The following KCNN2 variants were observed in gnomAD, a reference collection of about 807,000 sequenced individuals.
KCNN2 encodes potassium calcium-activated channel subfamily N member 2, also known as small conductance calcium-activated potassium channel protein 2.
In KCNN2, 24 loss-of-function variants were observed where a neutral mutation model predicts 55.5. The ratio of observed to expected loss-of-function variants is 0.43; its 90% CI spans 0.31 to 0.61. The LOEUF is 0.61. Ranked by LOEUF, KCNN2 falls within the 20% of genes least tolerant of loss-of-function variation. KCNN2 has a pLI of 0.08. For missense variants in KCNN2, 754 were observed against 853.6 expected (o/e 0.88, Z 1.45); for synonymous variants, 431 against 336.1 (o/e 1.28, Z -3.09).
intron 2 of KCNN2, among the ~76,000 whole-genome samples, chr5:114,295,295 C>G (rs1445712503): frequency 6.6e-6 from 1 of 152,176 alleles, no homozygotes; most frequent in African/African-American, 2.4e-5. Context: ...GTGCCCTGCC[C>G]CCAGAGGTGG....
chr5:114,427,142 C>G (rs1035858930), intron 3 of KCNN2, among the ~76,000 whole-genome samples: 22 of 152,168 alleles, frequency 1.4e-4, no homozygotes, highest in Non-Finnish European at 4.4e-5. Flanking sequence ...TCTTCTCCCC[C>G]TGCACCTTCT....
At chr5:114,456,275 C>T (rs1230222752) in intron 3 of KCNN2, among the ~76,000 whole-genome samples, 1 of 152,148 alleles carries the variant, frequency 6.6e-6, no homozygotes, top group African/African-American at 2.4e-5. Context: ...AAGAATTATA[C>T]TAAATCTACT....
At chr5:114,466,153 T>TAAAAG (rs1761437086) in intron 4 of KCNN2, among the ~76,000 whole-genome samples, 1 of 152,160 alleles carries the variant, frequency 6.6e-6, no homozygotes, top group Admixed American at 6.5e-5. Context: ...ATAGAAGAAA[T>TAAAAG]AAAAGAAAAC....
At chr5:114,392,368 T>C (rs1758472814) in intron 2 of KCNN2, among the ~76,000 whole-genome samples, 1 of 152,214 alleles carries the variant, frequency 6.6e-6, no homozygotes, top group Admixed American at 6.5e-5. Context: ...AGCAAGTTTT[T>C]TTCTTCATAC....
At chr5:114,307,942 C>A (rs887940052) in intron 2 of KCNN2, among the ~76,000 whole-genome samples, 3 of 151,994 alleles carry the variant, frequency 2.0e-5, no homozygotes, top group African/African-American at 4.8e-5. Flanking sequence ...ATACCCCAAT[C>A]AAAAATCCTC....
intron 1 of KCNN2, among the ~76,000 whole-genome samples, chr5:114,172,578 G>A (rs961996928): frequency 1.4e-5 from 2 of 142,372 alleles, no homozygotes; most frequent in African/African-American, 2.5e-5. Context: ...AATATAAGGA[G>A]ATAACACATA....
intron 1 of KCNN2, among the ~76,000 whole-genome samples, chr5:114,166,727 G>T (rs1319059236): frequency 6.6e-6 from 1 of 152,084 alleles, no homozygotes; most frequent in Non-Finnish European, 1.5e-5. Context: ...CTGAATGTTT[G>T]CATTTCCTCC....
chr5:114,280,172 T>A (rs989741423), intron 2 of KCNN2, among the ~76,000 whole-genome samples: 1 of 152,226 alleles, frequency 6.6e-6, no homozygotes, highest in Non-Finnish European at 1.5e-5. Context: ...GTAAATTTGT[T>A]TGAGTTCATT....
intron 2 of KCNN2, among the ~76,000 whole-genome samples, chr5:114,237,268 A>ACACACACACACACACACACACACACT (rs1754518584): frequency 6.6e-6 from 1 of 150,942 alleles, no homozygotes; most frequent in East Asian, 1.9e-4. Context: ...ACACACACAC[A>ACACACACACACACACACACACACACT]CACACACACA....
intron 1 of KCNN2, among the ~76,000 whole-genome samples, chr5:114,170,604 G>A (rs1753012580): frequency 6.6e-6 from 1 of 151,888 alleles, no homozygotes; most frequent in African/African-American, 2.4e-5. Flanking sequence ...ATTTTCCTAG[G>A]AGGATGACAG....
intron 2 of KCNN2, among the ~76,000 whole-genome samples, chr5:114,224,600 C>T (rs1029708582): frequency 1.3e-5 from 2 of 152,150 alleles, no homozygotes; most frequent in African/African-American, 4.8e-5. Flanking sequence ...AACAGAATCC[C>T]GCTGGAGGTG....
chr5:114,312,534 T>G (rs1756427110), intron 2 of KCNN2, among the ~76,000 whole-genome samples: 1 of 146,214 alleles, frequency 6.8e-6, no homozygotes, highest in Non-Finnish European at 1.5e-5. Flanking sequence ...AGAACCCAAG[T>G]GTTGCCCTTT....
intron 2 of KCNN2, among the ~76,000 whole-genome samples, chr5:114,378,573 G>C (rs1580767321): frequency 6.6e-6 from 1 of 152,184 alleles, no homozygotes; most frequent in South Asian, 2.1e-4. Flanking sequence ...GTACCCCTGG[G>C]ATTGATGTGG....
chr5:114,066,575 T>A (rs1750455742), intron 1 of KCNN2, among the ~76,000 whole-genome samples: 1 of 152,238 alleles, frequency 6.6e-6, no homozygotes, highest in African/African-American at 2.4e-5. Flanking sequence ...TGTTTTTCTT[T>A]TTTTTCTTTT....
chr5:114,362,606 A>G lies in KCNN2; in HGVS notation c.467A>G (p.Gln156Arg). 1 of 877,222 alleles carries G rather than the reference A, an allele frequency of 1.1e-6. No homozygotes were observed. The highest frequency in any genetic ancestry group is 1.7e-6 in the Non-Finnish European group (1 of 600,638). 54.3% of individuals were successfully genotyped at this position (877,222 alleles called of 1,614,324 possible). Reference protein sequence around the residue: ...QSAQQSASASQYHQCHSLQPA... With the variant: ...QSAQQSASASRYHQCHSLQPA... ...GCGCAGCAGTCGGCGTCCGCCTCCC[A>G]GTACCACCAGTGCCACAGCCTGCAG... Residue 156 changes from glutamine (Q) to arginine (R), a missense_variant, in exon 1 of 8, where the codon CAG (glutamine) becomes CGG (arginine). Coordinates refer to ENST00000673685, the MANE Select transcript of KCNN2 (RefSeq NM_021614.4).
intron 3 of KCNN2, among the ~76,000 whole-genome samples, chr5:114,454,029 C>T (rs1760809665): frequency 6.6e-6 from 1 of 152,096 alleles, no homozygotes; most frequent in Non-Finnish European, 1.5e-5. Context: ...TGTGTCCACG[C>T]ATTCTCATTG....
At chr5:114,095,812 T>G (rs575780723) in intron 1 of KCNN2, among the ~76,000 whole-genome samples, 1 of 151,304 alleles carries the variant, frequency 6.6e-6, no homozygotes, top group South Asian at 2.1e-4. Flanking sequence ...CCAATAATTT[T>G]TTTTGACTTC....
At chr5:114,159,900 C>A (rs561619028) in intron 1 of KCNN2, among the ~76,000 whole-genome samples, 1 of 152,012 alleles carries the variant, frequency 6.6e-6, no homozygotes, top group African/African-American at 2.4e-5. Flanking sequence ...CTCTTTTCTT[C>A]TTTATTAGTC....
intron 1 of KCNN2, among the ~76,000 whole-genome samples, chr5:114,205,212 C>T (rs1753744773): frequency 6.6e-6 from 1 of 152,130 alleles, no homozygotes; most frequent in South Asian, 2.1e-4. Context: ...TACGTTTAAA[C>T]TTGAGGTTCC....
Sources: allele counts gnomAD v4.1 joint callset (sites outside exome capture counted in the v4.1 genomes callset), GRCh38; gene constraint gnomAD v4.1.1; transcripts MANE v1.5; gene names NCBI Gene and HGNC (gene_info 2026-07-23, HGNC 2026-07-21).